Variants in FMNL2 observed in about 807,000 individuals in gnomAD.
The protein encoded by FMNL2 is formin like 2.
In FMNL2, 51 loss-of-function variants were observed where a neutral mutation model predicts 130.2. The ratio of observed to expected loss-of-function variants is 0.39; its 90% CI spans 0.31 to 0.49. The LOEUF is 0.49. FMNL2 is among the 20% of genes least tolerant of loss of function. The probability of loss-of-function intolerance (pLI) is 0.85; values close to 1 mark genes in which losing one functional copy is unlikely to be tolerated. For synonymous variants in FMNL2, 465 were observed against 467.1 expected (o/e 1.00, Z 0.06); for missense variants, 977 against 1,316.2 (o/e 0.74, Z 3.99).
intron 1 of FMNL2, among the ~76,000 whole-genome samples, chr2:152,456,671 C>T (rs1001524263): frequency 2.0e-5 from 3 of 152,002 alleles, no homozygotes; most frequent in African/African-American, 7.2e-5. Flanking sequence ...GGGCCGGGCG[C>T]GGTAGCTCAC....
chr2:152,461,550 A>T (rs550356093), intron 1 of FMNL2, among the ~76,000 whole-genome samples: 1 of 152,280 alleles, frequency 6.6e-6, no homozygotes, highest in Admixed American at 6.5e-5. Flanking sequence ...ACTGAGTCAA[A>T]CATGTTTTAA....
chr2:152,615,444 C>T (rs1022972825), intron 12 of FMNL2, among the ~76,000 whole-genome samples: 2 of 152,162 alleles, frequency 1.3e-5, no homozygotes, highest in East Asian at 1.9e-4. Flanking sequence ...TCCTGTCTTA[C>T]GGTACTCAAA....
chr2:152,613,707 A>G (rs1300333602), intron 11 of FMNL2, among the ~76,000 whole-genome samples: 3 of 152,232 alleles, frequency 2.0e-5, no homozygotes, highest in Non-Finnish European at 2.9e-5. Context: ...AATGTATGCT[A>G]TATAAATGCT....
intron 1 of FMNL2, among the ~76,000 whole-genome samples, chr2:152,352,974 A>G (rs1357388882): frequency 6.6e-6 from 1 of 152,142 alleles, no homozygotes; most frequent in Non-Finnish European, 1.5e-5. Flanking sequence ...AAAAAAACAA[A>G]TGCCATGTGA....
At chr2:152,612,542 T>C (rs1481767598) in intron 11 of FMNL2, among the ~76,000 whole-genome samples, 2 of 152,310 alleles carry the variant, frequency 1.3e-5, no homozygotes, top group Non-Finnish European at 2.9e-5. Context: ...GAAGTGGACC[T>C]GAGGATCCAG....
intron 1 of FMNL2, among the ~76,000 whole-genome samples, chr2:152,433,307 C>G (rs1001454119): frequency 6.6e-6 from 1 of 152,146 alleles, no homozygotes; most frequent in Non-Finnish European, 1.5e-5. Context: ...TAACAGTATG[C>G]AAGAGTGTAG....
intron 1 of FMNL2, among the ~76,000 whole-genome samples, chr2:152,446,257 T>C (rs1390783120): frequency 6.6e-6 from 1 of 152,236 alleles, no homozygotes; most frequent in Non-Finnish European, 1.5e-5. Flanking sequence ...TCATTTTTAA[T>C]ACTTACAAAT....
intron 9 of FMNL2, among the ~76,000 whole-genome samples, chr2:152,596,615 A>G (rs923149422): frequency 3.9e-5 from 6 of 152,184 alleles, no homozygotes; most frequent in Non-Finnish European, 8.8e-5. Context: ...TATTTTCCAT[A>G]TTAGAAATTA....
chr2:152,594,484 TG>T (rs1273900350), intron 9 of FMNL2, among the ~76,000 whole-genome samples: 12 of 152,246 alleles, frequency 7.9e-5, no homozygotes, highest in African/African-American at 2.6e-4. Context: ...ACTTGGAAGG[TG>T]GCTGCGTCAA....
chr2:152,563,638 C>T (rs1695654100), intron 6 of FMNL2, among the ~76,000 whole-genome samples: 1 of 152,050 alleles, frequency 6.6e-6, no homozygotes. Context: ...CTCCTTCTCT[C>T]CCCTTTCTTT....
intron 1 of FMNL2, among the ~76,000 whole-genome samples, chr2:152,372,893 A>C (rs1337122006): frequency 6.6e-6 from 1 of 152,202 alleles, no homozygotes; most frequent in Non-Finnish European, 1.5e-5. Context: ...GAATAGGAAG[A>C]GTATTCTGAC....
rs1383755856 is a variant in FMNL2, at chr2:152,506,300, G to A, written c.118-15643G>A. Among the ~76,000 whole-genome samples the A allele has an allele frequency of 2.0e-5, 3 of 152,104 alleles. No homozygotes were observed. In the East Asian group the frequency reaches 5.8e-4, roughly 29 times the overall value. On this transcript the variant is annotated intron_variant, in intron 1 of 25. Transcript: ENST00000288670. ...ATGGTCTTTCCTTGGTATCTATGGAGGACTGATTCTGGGACCCCCTCCCCA... is the reference window on the plus strand; with the variant it reads ...ATGGTCTTTCCTTGGTATCTATGGAAGACTGATTCTGGGACCCCCTCCCCA...
chr2:152,415,220 C>G (rs1686543131), intron 1 of FMNL2, among the ~76,000 whole-genome samples: 1 of 151,802 alleles, frequency 6.6e-6, no homozygotes, highest in Non-Finnish European at 1.5e-5. Context: ...ATGTGAACAC[C>G]CACCTCTCAG....
chr2:152,576,650 G>A (rs1696495295), intron 7 of FMNL2, among the ~76,000 whole-genome samples: 1 of 152,122 alleles, frequency 6.6e-6, no homozygotes, highest in African/African-American at 2.4e-5. Flanking sequence ...AGAAAAAATA[G>A]GAAATAGGAA....
In FMNL2 at chr2:152,445,724, C is replaced by T. The variant is rs1579681635; in HGVS notation, c.118-76219C>T. Among the ~76,000 whole-genome samples the T allele has an allele frequency of 5.9e-5, 9 of 152,230 alleles. No homozygotes were observed. In the East Asian group the frequency reaches 1.5e-3, roughly 26 times the overall value. On this transcript the variant is annotated intron_variant, in intron 1 of 25. Coordinates refer to ENST00000288670, the MANE Select transcript of FMNL2 (RefSeq NM_052905.4). ...TGAAAATCTACATTTCTTACAAGTTCCCAGGTGATGCTGCTAGCCTGGAGG... is the reference window on the plus strand; with the variant it reads ...TGAAAATCTACATTTCTTACAAGTTTCCAGGTGATGCTGCTAGCCTGGAGG...
intron 2 of FMNL2, among the ~76,000 whole-genome samples, chr2:152,531,766 A>G (rs537355561): frequency 2.0e-4 from 30 of 152,284 alleles, no homozygotes; most frequent in African/African-American, 7.0e-4. Context: ...AGCCTAAGAT[A>G]TAAGATCTAA....
intron 12 of FMNL2, among the ~76,000 whole-genome samples, 170 bp from the exon 13 acceptor site, chr2:152,616,921 G>A (rs7596408): frequency 0.39 from 59,631 of 151,980 alleles, 12,267 homozygotes; most frequent in Middle Eastern, 0.53. Flanking sequence ...CCTGGTAGAA[G>A]CAAATATGTA....
chr2:152,426,641 A>C (rs1227381641), intron 1 of FMNL2, among the ~76,000 whole-genome samples: 1 of 152,006 alleles, frequency 6.6e-6, no homozygotes, highest in African/African-American at 2.4e-5. Context: ...ATGTTTTTTC[A>C]AAGCTCCCCA....
chr2:152,419,780 T>C (rs1366395846), intron 1 of FMNL2, among the ~76,000 whole-genome samples: 1 of 151,892 alleles, frequency 6.6e-6, no homozygotes, highest in African/African-American at 2.4e-5. Context: ...AGGAGGACTG[T>C]TGGGCTCCCT....
Sources: gnomAD v4.1 joint callset for allele counts (sites outside exome capture counted in the v4.1 genomes callset) on GRCh38, gnomAD v4.1.1 for gene constraint, MANE v1.5 for transcripts, NCBI Gene and HGNC (gene_info 2026-07-23, HGNC 2026-07-21) for gene names.